The following NKAIN3 variants were observed in gnomAD, a reference collection of about 807,000 sequenced individuals.
NKAIN3 encodes the protein sodium/potassium-transporting ATPase subunit beta-1-interacting protein 3.
In NKAIN3, 25 loss-of-function variants were observed where a neutral mutation model predicts 30.2. That is an observed-to-expected ratio of 0.83 (90% CI 0.60 to 1.16). The LOEUF is 1.16. Among genes scored for constraint, NKAIN3 ranks in the 50% most tolerant of loss-of-function variants. NKAIN3 has a pLI of 0.00. For missense variants in NKAIN3, 225 were observed against 254.1 expected (o/e 0.89, Z 0.78); for synonymous variants, 91 against 89.6 (o/e 1.02, Z -0.09).
At chr8:62,761,377 G>A (rs1816657744) in intron 4 of NKAIN3, among the ~76,000 whole-genome samples, 1 of 152,090 alleles carries the variant, frequency 6.6e-6, no homozygotes, top group Non-Finnish European at 1.5e-5. Context: ...GTTGTGCTCA[G>A]CTCACACTTA....
intron 3 of NKAIN3, among the ~76,000 whole-genome samples, chr8:62,704,981 A>G (rs1814472408): frequency 6.6e-6 from 1 of 152,198 alleles, no homozygotes; most frequent in African/African-American, 2.4e-5. Flanking sequence ...TTTAAATCCA[A>G]TGCCAAAGTG....
intron 3 of NKAIN3, among the ~76,000 whole-genome samples, chr8:62,611,301 C>T (rs1306047173): frequency 1.3e-5 from 2 of 151,990 alleles, no homozygotes; most frequent in Non-Finnish European, 2.9e-5. Flanking sequence ...AGCATTTATG[C>T]TTTGAGTTAA....
intron 1 of NKAIN3, among the ~76,000 whole-genome samples, chr8:62,339,609 T>G (rs1815675947): frequency 6.6e-6 from 1 of 152,090 alleles, no homozygotes. Context: ...GTCTAAACTA[T>G]CCTGTAAATA....
intron 1 of NKAIN3, among the ~76,000 whole-genome samples, chr8:62,284,940 C>T (rs1409163906): frequency 6.6e-6 from 1 of 152,052 alleles, no homozygotes; most frequent in Non-Finnish European, 1.5e-5. Context: ...GGAAAATTGA[C>T]CTTTTAGTTT....
chr8:62,631,089 C>A (rs1811943428), intron 3 of NKAIN3, among the ~76,000 whole-genome samples: 1 of 152,242 alleles, frequency 6.6e-6, no homozygotes, highest in African/African-American at 2.4e-5. Flanking sequence ...CCACTAATAA[C>A]CACTTCATGT....
chr8:62,267,272 A>G (rs1812638551), intron 1 of NKAIN3, among the ~76,000 whole-genome samples: 1 of 152,250 alleles, frequency 6.6e-6, no homozygotes, highest in Non-Finnish European at 1.5e-5. Flanking sequence ...AAGCAATAGA[A>G]CAGATCATTC....
intron 1 of NKAIN3, among the ~76,000 whole-genome samples, chr8:62,328,127 C>T (rs1461898617): frequency 6.6e-6 from 1 of 151,876 alleles, no homozygotes; most frequent in Non-Finnish European, 1.5e-5. Context: ...CAATTTTGTA[C>T]CTGTGGGTTA....
intron 4 of NKAIN3, among the ~76,000 whole-genome samples, chr8:62,748,920 T>C (rs553007745): frequency 2.6e-5 from 4 of 152,336 alleles, no homozygotes; most frequent in African/African-American, 7.2e-5. Context: ...TTTGTTAATG[T>C]AGCCATTACA....
At position 62,449,021 on chromosome 8, in the gene NKAIN3, G is replaced by T. The variant is rs187183384; in HGVS notation, c.55-130518G>T. 5.2e-4 allele frequency among the ~76,000 whole-genome samples: 79 copies of T among 151,944 alleles called. 1 individual carries two copies. The highest frequency in any genetic ancestry group is 1.9e-3 in the African/African-American group (78 of 41,492). ...TTCTCTTTTTGTAGGTCTTATACTT[G>T]CTAACTCAAAGATTTACTATGAGAA... On this transcript the variant is annotated intron_variant, in intron 1 of 6. Coordinates refer to ENST00000623646, the MANE Select transcript of NKAIN3 (RefSeq NM_001304533.3).
intron 4 of NKAIN3, among the ~76,000 whole-genome samples, chr8:62,857,310 A>G (rs1820092299): frequency 6.6e-6 from 1 of 152,152 alleles, no homozygotes; most frequent in Admixed American, 6.5e-5. Flanking sequence ...TAGAGATCTG[A>G]TGATTATGTA....
chr8:62,883,457 G>GTTGTTGTTTTTTTTTTTTTTT lies in NKAIN3; in HGVS notation c.472-34994_472-34993insGTTGTTTTTTTTTTTTTTTTT. On this transcript the variant is annotated intron_variant, in intron 4 of 6. Coordinates refer to ENST00000623646, the MANE Select transcript of NKAIN3 (RefSeq NM_001304533.3). Reference sequence around the variant, plus strand: ...TTTATTATTTCCAGGAGTTTTATGGGTTTTTTTTTTTTTTTTCAGATTTTC... The same window carrying GTTGTTGTTTTTTTTTTTTTTT: ...TTTATTATTTCCAGGAGTTTTATGGGTTGTTGTTTTTTTTTTTTTTTTTTTTTTTTTTTTTTTCAGATTTTC... 1.4e-3 allele frequency among the ~76,000 whole-genome samples: 101 copies of GTTGTTGTTTTTTTTTTTTTTT among 70,200 alleles called. 13 individuals carry two copies. Among genetic ancestry groups the GTTGTTGTTTTTTTTTTTTTTT allele is most frequent in the East Asian group, 8.2e-3 (14 of 1,700 alleles). 46.1% of individuals were successfully genotyped at this position (70,200 alleles called of 152,430 possible).
intron 1 of NKAIN3, among the ~76,000 whole-genome samples, chr8:62,531,648 T>C (rs1468936335): frequency 6.6e-6 from 1 of 152,322 alleles, no homozygotes; most frequent in South Asian, 2.1e-4. Flanking sequence ...GACTGTCTGG[T>C]GCAGAGTAGA....
chr8:62,907,561 C>T (rs1375056575), intron 4 of NKAIN3, among the ~76,000 whole-genome samples: 1 of 152,160 alleles, frequency 6.6e-6, no homozygotes, highest in Non-Finnish European at 1.5e-5. Flanking sequence ...AAAATGGTTT[C>T]ATGGGCTGGG....
At chr8:62,558,017 C>T (rs1809461848) in intron 1 of NKAIN3, among the ~76,000 whole-genome samples, 2 of 152,086 alleles carry the variant, frequency 1.3e-5, no homozygotes, top group African/African-American at 4.8e-5. Flanking sequence ...CCAATGCTAT[C>T]TTCCAGAATT....
chr8:62,646,150 A>AAACAAAAAAAC (rs1812453961), intron 3 of NKAIN3, among the ~76,000 whole-genome samples: 1 of 151,694 alleles, frequency 6.6e-6, no homozygotes, highest in African/African-American at 2.4e-5. Flanking sequence ...AAAAAAAAAA[A>AAACAAAAAAAC]AAAAACAGAT....
chr8:62,838,968 A>G (rs1409836462), intron 4 of NKAIN3, among the ~76,000 whole-genome samples: 1 of 152,102 alleles, frequency 6.6e-6, no homozygotes, highest in Non-Finnish European at 1.5e-5. Flanking sequence ...GCTCCTGAGT[A>G]CAAGGATTGT....
rs927630367 is a variant in NKAIN3, at chr8:62,384,611, C to G, written c.54+135484C>G. Among the ~76,000 whole-genome samples, 3 of 151,912 alleles carry G rather than the reference C, an allele frequency of 2.0e-5. No individual in the cohort carries two copies. In the East Asian group the frequency reaches 5.8e-4, roughly 29 times the overall value. On this transcript the variant is annotated intron_variant, in intron 1 of 6. Coordinates refer to ENST00000623646, the MANE Select transcript of NKAIN3 (RefSeq NM_001304533.3). ...TGGAAAAAATATGCATGTAGGAGGACCCAGGCAGATCAAACCCATATTGTT... is the reference window on the plus strand; with the variant it reads ...TGGAAAAAATATGCATGTAGGAGGAGCCAGGCAGATCAAACCCATATTGTT...
At chr8:62,680,714 G>C (rs1295936671) in intron 3 of NKAIN3, among the ~76,000 whole-genome samples, 1 of 143,170 alleles carries the variant, frequency 7.0e-6, no homozygotes, top group East Asian at 1.9e-4. Flanking sequence ...TTGAAGGCTG[G>C]TGTGTGTGTG....
intron 1 of NKAIN3, among the ~76,000 whole-genome samples, chr8:62,382,802 C>A (rs1817317533): frequency 6.6e-6 from 1 of 152,080 alleles, no homozygotes; most frequent in Non-Finnish European, 1.5e-5. Flanking sequence ...ATTTTGAAAC[C>A]CTTCACGCTC....
Sources: gnomAD v4.1 joint callset for allele counts (sites outside exome capture counted in the v4.1 genomes callset) on GRCh38, gnomAD v4.1.1 for gene constraint, MANE v1.5 for transcripts, NCBI Gene and HGNC (gene_info 2026-07-23, HGNC 2026-07-21) for gene names.